CNBD1: variants seen among roughly 807,000 people sequenced by gnomAD.
CNBD1 encodes the protein cyclic nucleotide binding domain containing 1.
CNBD1 carries 71 observed loss-of-function variants against 54.4 expected under a neutral mutation model. The ratio of observed to expected loss-of-function variants is 1.30; its 90% CI spans 1.08 to 1.59. The LOEUF (loss-of-function observed/expected upper bound fraction) is 1.59. CNBD1 is among the 40% of genes most tolerant of loss of function. The pLI is 0.00. For missense variants in CNBD1, 659 were observed against 518.0 expected, an observed-to-expected ratio of 1.27 and a Z score of -2.64; for synonymous variants, 182 against 170.7, an observed-to-expected ratio of 1.07 and a Z score of -0.51.
chr8:87,271,638 C>T (rs1374850658), intron 6 of CNBD1, among the ~76,000 whole-genome samples: 1 of 151,800 alleles, frequency 6.6e-6, no homozygotes, highest in Non-Finnish European at 1.5e-5. Flanking sequence ...GAAAGAAAAA[C>T]CCTTGTACAC....
At chr8:87,186,600 G>A (rs1042165959) in intron 4 of CNBD1, among the ~76,000 whole-genome samples, 1 of 151,960 alleles carries the variant, frequency 6.6e-6, no homozygotes, top group Middle Eastern at 3.4e-3. Context: ...AATATAAGCA[G>A]CTCTTTATAT....
rs1812889267 is a variant in CNBD1, at chr8:87,163,025, C to T, written c.432-42968C>T. Among the ~76,000 whole-genome samples the T allele has an allele frequency of 6.6e-6, 1 of 151,970 alleles. No individual in the cohort carries two copies. The highest frequency in any genetic ancestry group is 2.4e-5 in the African/African-American group (1 of 41,400). ...CATTCCTGTCCTCCAAAAGATGTAG[C>T]TTTCAAAGCACCATTTTGGGGGCAG... On this transcript the variant is annotated intron_variant, in intron 4 of 10. Coordinates refer to ENST00000518476, the MANE Select transcript of CNBD1 (RefSeq NM_173538.3). The surrounding 1 kb of genome is among the most constrained non-coding windows in gnomAD (Gnocchi z 4.5).
chr8:87,046,962 A>G (rs377345857), intron 4 of CNBD1, among the ~76,000 whole-genome samples: 112 of 152,290 alleles, frequency 7.4e-4, no homozygotes, highest in African/African-American at 2.6e-3. Context: ...TTCTGATGTA[A>G]TACTGGTAAG....
At chr8:86,939,946 G>T in intron 4 of CNBD1, 192 bp downstream of exon 4, 1 of 383,754 alleles carries the variant, frequency 2.6e-6, no homozygotes. Context: ...AGTCTTCAAT[G>T]GTGTATCACG....
At chr8:86,966,092 T>G (rs1210295696) in intron 4 of CNBD1, among the ~76,000 whole-genome samples, 1 of 152,274 alleles carries the variant, frequency 6.6e-6, no homozygotes, top group Non-Finnish European at 1.5e-5. Context: ...TGGTTGGCCA[T>G]GGGTGGGCCC....
At chr8:87,237,213 T>A (rs1807602530) in intron 6 of CNBD1, 101 bp downstream of exon 6, 1 of 593,014 alleles carries the variant, frequency 1.7e-6, no homozygotes, top group Admixed American at 3.3e-5. Context: ...TTTAGAGTCC[T>A]GAAATATTTA....
intron 8 of CNBD1, among the ~76,000 whole-genome samples, chr8:87,310,566 TCTA>T (rs1455200903): frequency 6.6e-6 from 1 of 152,056 alleles, no homozygotes; most frequent in East Asian, 1.9e-4. Flanking sequence ...CCCAAAACAA[TCTA>T]CAGTTTTAAC....
At chr8:87,367,825 G>C in intron 10 of CNBD1, among the ~76,000 whole-genome samples, 1 of 152,076 alleles carries the variant, frequency 6.6e-6, no homozygotes, top group South Asian at 2.1e-4. Flanking sequence ...GTTACTCATT[G>C]GGATGAGAGA....
At chr8:86,908,610 A>C (rs759694734) in intron 3 of CNBD1, among the ~76,000 whole-genome samples, 1 of 152,134 alleles carries the variant, frequency 6.6e-6, no homozygotes, top group Non-Finnish European at 1.5e-5. Flanking sequence ...ACATTATACC[A>C]TCTGTCAAGA....
chr8:86,979,564 G>C (rs1808425228), intron 4 of CNBD1, among the ~76,000 whole-genome samples: 1 of 151,914 alleles, frequency 6.6e-6, no homozygotes, highest in Admixed American at 6.6e-5. Flanking sequence ...CTGGGTGGCA[G>C]AATAAGACCC....
chr8:86,875,660 G>C (rs557666898), intron 1 of CNBD1, among the ~76,000 whole-genome samples: 7 of 151,656 alleles, frequency 4.6e-5, no homozygotes, highest in Admixed American at 2.6e-4. Flanking sequence ...TCTTTATCTC[G>C]TTCCTGAATT....
intron 4 of CNBD1, among the ~76,000 whole-genome samples, chr8:87,118,175 C>A (rs1404639265): frequency 3.3e-5 from 5 of 151,602 alleles, no homozygotes; most frequent in Admixed American, 2.6e-4. Context: ...ATTAGCCAGG[C>A]GTGGTGGCAT....
At chr8:87,354,171 G>T (rs1474818622) in intron 10 of CNBD1, among the ~76,000 whole-genome samples, 3 of 152,124 alleles carry the variant, frequency 2.0e-5, no homozygotes, top group Non-Finnish European at 4.4e-5. Context: ...GGACCTCACA[G>T]CTGAAAATGG....
At chr8:87,106,306 T>C (rs1287484309) in intron 4 of CNBD1, among the ~76,000 whole-genome samples, 1 of 151,968 alleles carries the variant, frequency 6.6e-6, no homozygotes, top group Non-Finnish European at 1.5e-5. Flanking sequence ...CTCTCCCTCC[T>C]GGGTTCAAGC....
At chr8:87,039,165 G>A (rs1367835971) in intron 4 of CNBD1, among the ~76,000 whole-genome samples, 4 of 151,786 alleles carry the variant, frequency 2.6e-5, no homozygotes, top group African/African-American at 9.7e-5. Flanking sequence ...TTTTATTTTA[G>A]TATATTTCAG....
At chr8:86,897,843 T>A (rs568139044) in intron 2 of CNBD1, among the ~76,000 whole-genome samples, 145 of 152,200 alleles carry the variant, frequency 9.5e-4, no homozygotes, top group African/African-American at 3.3e-3. Flanking sequence ...ACATGCCCAG[T>A]ACCCTAAAAG....
chr8:87,272,002 C>A (rs9886618), intron 6 of CNBD1, among the ~76,000 whole-genome samples: 42,775 of 151,686 alleles, frequency 0.28, 6,478 homozygotes, highest in African/African-American at 0.39. Flanking sequence ...GTAATCCAAG[C>A]ACAGAAAGAC....
chr8:87,192,470 C>G (rs1813633644), intron 4 of CNBD1, among the ~76,000 whole-genome samples: 1 of 152,168 alleles, frequency 6.6e-6, no homozygotes, highest in Non-Finnish European at 1.5e-5. Context: ...AATCTACGCT[C>G]TGGAATGAGA....
intron 8 of CNBD1, among the ~76,000 whole-genome samples, chr8:87,332,165 T>C (rs1439061029): frequency 6.6e-6 from 1 of 152,064 alleles, no homozygotes; most frequent in African/African-American, 2.4e-5. Flanking sequence ...CTGGCCAACA[T>C]GGGGAAACCC....
Sources: allele counts gnomAD v4.1 joint callset (sites outside exome capture counted in the v4.1 genomes callset), GRCh38; gene constraint gnomAD v4.1.1; non-coding constraint Gnocchi (gnomAD v3.1); transcripts MANE v1.5; gene names NCBI Gene and HGNC (gene_info 2026-07-23, HGNC 2026-07-21).